GGT5: variants seen among roughly 807,000 people sequenced by gnomAD.
GGT5 encodes gamma-glutamyltransferase 5, also known as glutathione hydrolase 5 proenzyme.
GGT5 carries 50 observed loss-of-function variants against 58.1 expected under a neutral mutation model. The ratio of observed to expected loss-of-function variants is 0.86; its 90% CI spans 0.69 to 1.09. The LOEUF (loss-of-function observed/expected upper bound fraction) is 1.09. GGT5 is among the 50% of genes least tolerant of loss of function. The pLI, the probability that GGT5 is intolerant of heterozygous loss-of-function variation, is 0.00. For missense variants in GGT5, 800 were observed against 789.4 expected (o/e 1.01, Z -0.16); for synonymous variants, 370 against 346.1 (o/e 1.07, Z -0.77).
Position 24,226,257 on chromosome 22 carries a change from G to A in GGT5, c.1048C>T (p.Arg350Trp), listed in dbSNP as rs754323634. Residue 350 changes from arginine (R) to tryptophan (W), a missense_variant, in exon 8 of 12, where the codon CGG becomes TGG. By Grantham distance (101) the Arg-to-Trp change is moderately radical. Coordinates refer to ENST00000327365, the MANE Select transcript of GGT5 (RefSeq NM_004121.5). Reference sequence around the variant, plus strand: ...GCCAGGGTCTCCCCCAGCAGGTCCCGGGAGGCATTCTGGGGTGGGTGGGCA... The same window carrying A: ...GCCAGGGTCTCCCCCAGCAGGTCCCAGGAGGCATTCTGGGGTGGGTGGGCA... ...RSHPKLQNASRDLLGETLAQL... is the reference protein window; with the variant it reads ...RSHPKLQNASWDLLGETLAQL... 40 of 1,599,458 alleles carry A rather than the reference G, an allele frequency of 2.5e-5. No homozygotes were observed. Among genetic ancestry groups the A allele is most frequent in the Admixed American group, 3.4e-5 (2 of 59,310 alleles).
At position 24,226,611 on chromosome 22, in the gene GGT5, A is replaced by G; in HGVS notation, c.1038+20T>C. 2 of 1,613,264 alleles carry G rather than the reference A, an allele frequency of 1.2e-6. No homozygotes were observed. The highest frequency in any genetic ancestry group is 2.2e-5 in the South Asian group (2 of 91,040). On this transcript the variant is annotated intron_variant, in intron 7 of 11. Coordinates refer to ENST00000327365, the MANE Select transcript of GGT5 (RefSeq NM_004121.5). ...AGGGAGGAGGACGGCCCACCAGCCC[A>G]GCAACCTCAGCAACCTCACCTGGAG... is the stretch of plus-strand genomic sequence containing the variant.
intron 1 of GGT5, among the ~76,000 whole-genome samples, chr22:24,238,878 TATATTATATATTTTATA>T (rs2048222934): frequency 3.4e-4 from 4 of 11,620 alleles, no homozygotes; most frequent in Admixed American, 4.0e-3. Flanking sequence ...ATATATAATA[TATATTATATATTTTATA>T]TATATATATA....
intron 1 of GGT5, among the ~76,000 whole-genome samples, chr22:24,238,922 TATA>T (rs1182814282): frequency 3.0e-4 from 7 of 23,522 alleles, no homozygotes; most frequent in South Asian, 2.4e-3. Flanking sequence ...ATATTATATA[TATA>T]ATATATATTA....
At chr22:24,231,600 C>T in intron 5 of GGT5, 70 bp from the exon 6 acceptor site, 1 of 1,450,950 alleles carries the variant, frequency 6.9e-7, no homozygotes, top group Non-Finnish European at 9.4e-7. Context: ...CCACTGCTGT[C>T]AGGTCACACA....
At position 24,244,178 on chromosome 22, in the gene GGT5, G is replaced by C. The variant is rs977167126; in HGVS notation, c.173+375C>G. On this transcript the variant is annotated intron_variant, in intron 1 of 11. Transcript: ENST00000327365. ...GTCCCCAAGTCCCCATCTGCCCCAC[G>C]AGCACACCCTGCCACCTGTTCTGTG... 5 of 202,126 alleles carry C rather than the reference G, an allele frequency of 2.5e-5. No individual in the cohort carries two copies. The South Asian group carries it at 5.5e-4, about 22-fold the overall frequency. 12.5% of individuals were successfully genotyped at this position (202,126 alleles called of 1,614,324 possible). A position where few individuals can be genotyped will look rare whatever the true frequency, so the allele number is the denominator to read the frequency against.
chr22:24,232,521 A>G (rs2047975552), intron 4 of GGT5, among the ~76,000 whole-genome samples: 1 of 152,058 alleles, frequency 6.6e-6, no homozygotes, highest in Non-Finnish European at 1.5e-5. Context: ...GTGGCAGTTG[A>G]AGCCCTCCTG....
At chr22:24,228,751 G>A (rs768057334) in intron 6 of GGT5, among the ~76,000 whole-genome samples, 3 of 149,014 alleles carry the variant, frequency 2.0e-5, no homozygotes, top group Non-Finnish European at 3.0e-5. Context: ...TGCCAGGCCC[G>A]AAACAGTTAT....
chr22:24,220,509 T>C, intron 11 of GGT5: 2 of 461,036 alleles, frequency 4.3e-6, no homozygotes, highest in Non-Finnish European at 8.7e-6. Flanking sequence ...GCCAGCAATT[T>C]GGGAGGCTGA....
chr22:24,226,058 C>A lies in GGT5; in HGVS notation c.1229+18G>T, dbSNP rs745358792. ...GAGGAGGAGTGAAGCCATCCGCCTT[C>A]CCCCAGGCCCTACGCACGGTGTGTT... On this transcript the variant is annotated intron_variant, in intron 8 of 11. Transcript: ENST00000327365. The A allele has an allele frequency of 1.3e-6, 2 of 1,534,728 alleles. No individual in the cohort carries two copies. The highest frequency in any genetic ancestry group is 1.8e-6 in the Non-Finnish European group (2 of 1,133,830).
intron 1 of GGT5, among the ~76,000 whole-genome samples, chr22:24,240,019 G>C (rs908679729): frequency 2.6e-5 from 4 of 152,208 alleles, no homozygotes; most frequent in Admixed American, 1.3e-4. Context: ...CCAAGAGGTG[G>C]AGGTTGCAGT....
intron 11 of GGT5, chr22:24,220,536 G>A: frequency 2.2e-6 from 1 of 458,030 alleles, no homozygotes; most frequent in Non-Finnish European, 4.4e-6. Context: ...AGGATCACTT[G>A]AGGCCAGGAG....
intron 1 of GGT5, among the ~76,000 whole-genome samples, chr22:24,234,806 C>A (rs934815593): frequency 1.3e-5 from 2 of 151,382 alleles, no homozygotes; most frequent in African/African-American, 4.9e-5. Context: ...GGCAACAAAG[C>A]AAGACTGCCT....
chr22:24,219,896 G>A lies in GGT5; in HGVS notation c.*74C>T. 5.5e-6 allele frequency: 8 copies of A among 1,464,552 alleles called. 2 individuals are homozygous for A. In the South Asian group the frequency reaches 9.5e-5, roughly 17 times the overall value. 90.7% of individuals were successfully genotyped at this position (1,464,552 alleles called of 1,614,324 possible). On this transcript the variant is annotated 3_prime_UTR_variant, in exon 12 of 12. Coordinates refer to ENST00000327365, the MANE Select transcript of GGT5 (RefSeq NM_004121.5). Reference sequence around the variant, plus strand: ...GGTCCAGATCCTGCCAGAGTAGTTGGTCCCCCAGCCATGTCCGGCCTGGAC... The same window carrying A: ...GGTCCAGATCCTGCCAGAGTAGTTGATCCCCCAGCCATGTCCGGCCTGGAC...
At chr22:24,239,688 C>T (rs2048277364) in intron 1 of GGT5, among the ~76,000 whole-genome samples, 1 of 152,104 alleles carries the variant, frequency 6.6e-6, no homozygotes, top group Non-Finnish European at 1.5e-5. Flanking sequence ...TATGCACACA[C>T]ATATATTTAA....
intron 1 of GGT5, among the ~76,000 whole-genome samples, chr22:24,235,955 TG>T (rs769674097): frequency 6.6e-6 from 1 of 152,118 alleles, no homozygotes; most frequent in Non-Finnish European, 1.5e-5. Context: ...CTCCTGATGT[TG>T]GGGGCCCCAG....
chr22:24,233,210 C>T (rs1387429273), intron 3 of GGT5, among the ~76,000 whole-genome samples, 192 bp from the exon 4 acceptor site: 4 of 152,194 alleles, frequency 2.6e-5, no homozygotes, highest in Non-Finnish European at 4.4e-5. Context: ...AGGGGCCCTA[C>T]ACAAACTGGC....
At chr22:24,223,492 C>T (rs73396308) in intron 11 of GGT5, among the ~76,000 whole-genome samples, 2,034 of 152,204 alleles carry the variant, frequency 0.013, 29 homozygotes, top group African/African-American at 0.046. Context: ...CCCTGGAACC[C>T]GAGAGCCCTG....
At chr22:24,242,404 C>T (rs2048349932) in intron 1 of GGT5, 1 of 152,128 alleles carries the variant, frequency 6.6e-6, no homozygotes, top group Non-Finnish European at 1.5e-5. Context: ...GGAGACCATC[C>T]TGGCTAACAT....
At chr22:24,224,931 T>C in intron 11 of GGT5, 65 bp downstream of exon 11, 1 of 1,097,820 alleles carries the variant, frequency 9.1e-7, no homozygotes, top group Admixed American at 2.0e-5. Flanking sequence ...CCCAGGTGGC[T>C]TTGAGCAGCA....
Sources: allele counts gnomAD v4.1 joint callset (sites outside exome capture counted in the v4.1 genomes callset), GRCh38; gene constraint gnomAD v4.1.1; transcripts MANE v1.5; gene names NCBI Gene and HGNC (gene_info 2026-07-23, HGNC 2026-07-21).